RYR3: variants seen among roughly 807,000 people sequenced by gnomAD.
RYR3 encodes the protein brain ryanodine receptor-calcium release channel.
Under a neutral mutation model 584.3 loss-of-function variants are expected in RYR3, and 207 were observed. The observed-to-expected ratio is 0.35, with a 90% CI of 0.32 to 0.40. The LOEUF (loss-of-function observed/expected upper bound fraction) is 0.40. Ranked by LOEUF, RYR3 falls within the 10% of genes least tolerant of loss-of-function variation. The probability of loss-of-function intolerance (pLI) is 1.00; values close to 1 mark genes in which losing one functional copy is unlikely to be tolerated. For missense variants in RYR3, 5,616 were observed against 6,089.2 expected (o/e 0.92, Z 2.59); for synonymous variants, 2,416 against 2,248.5 (o/e 1.07, Z -2.11).
chr15:33,563,570 T>C (rs1013482423), intron 11 of RYR3, among the ~76,000 whole-genome samples: 3 of 152,154 alleles, frequency 2.0e-5, no homozygotes, highest in African/African-American at 7.2e-5. Context: ...AGAAAGTCAA[T>C]TGCCGTAACA....
At chr15:33,646,592 T>C (rs762816933) in intron 29 of RYR3, 66 bp downstream of exon 29, 6 of 1,429,562 alleles carry the variant, frequency 4.2e-6, no homozygotes, top group South Asian at 1.3e-5. Context: ...GCTTTCTGCT[T>C]TTTACCCTAA....
chr15:33,400,737 G>A (rs1009255247), intron 1 of RYR3, among the ~76,000 whole-genome samples: 15 of 152,338 alleles, frequency 9.8e-5, no homozygotes, highest in African/African-American at 2.9e-4. Context: ...TTGGCTTCCA[G>A]TGGGGAGTGG....
At chr15:33,832,677 A>G (rs2077764367) in intron 86 of RYR3, among the ~76,000 whole-genome samples, 1 of 147,244 alleles carries the variant, frequency 6.8e-6, no homozygotes, top group South Asian at 2.1e-4. Context: ...AAAAAACCCT[A>G]CATACGTATG....
At chr15:33,507,468 G>A (rs182042310) in intron 3 of RYR3, among the ~76,000 whole-genome samples, 1 of 152,192 alleles carries the variant, frequency 6.6e-6, no homozygotes, top group East Asian at 1.9e-4. Context: ...ATTTTATTCT[G>A]GGGAAAATTA....
chr15:33,433,611 A>G (rs921852404), intron 1 of RYR3, among the ~76,000 whole-genome samples: 1 of 152,228 alleles, frequency 6.6e-6, no homozygotes, highest in African/African-American at 2.4e-5. Context: ...TTATATATTG[A>G]CTGTGTAGCA....
intron 8 of RYR3, among the ~76,000 whole-genome samples, chr15:33,544,859 G>A (rs546147573): frequency 4.0e-5 from 5 of 124,890 alleles, no homozygotes; most frequent in African/African-American, 1.0e-4. Context: ...GCACTGGTCC[G>A]GCGGTTGATA....
intron 62 of RYR3, among the ~76,000 whole-genome samples, chr15:33,770,121 T>A (rs1311628204): frequency 4.2e-5 from 6 of 143,638 alleles, no homozygotes; most frequent in African/African-American, 1.3e-4. Flanking sequence ...ACCTCATCTT[T>A]AAAAAAAAAA....
chr15:33,561,490 TA>T (rs2057395797), intron 10 of RYR3, among the ~76,000 whole-genome samples: 1 of 152,184 alleles, frequency 6.6e-6, no homozygotes, highest in Admixed American at 6.5e-5. Context: ...TTCTCCTCTG[TA>T]AAATTGGAAT....
intron 62 of RYR3, among the ~76,000 whole-genome samples, chr15:33,770,554 C>G (rs1247459101): frequency 2.6e-5 from 4 of 151,908 alleles, no homozygotes. Context: ...GAGTTCAAGA[C>G]CAGTCTGGGC....
At chr15:33,339,652 G>A (rs1284327310) in intron 1 of RYR3, among the ~76,000 whole-genome samples, 2 of 152,176 alleles carry the variant, frequency 1.3e-5, no homozygotes, top group Non-Finnish European at 2.9e-5. Context: ...CACTTTGGGA[G>A]GCCGAGGCGG....
chr15:33,622,437 C>T (rs151231176), intron 19 of RYR3, among the ~76,000 whole-genome samples: 2 of 152,328 alleles, frequency 1.3e-5, no homozygotes, highest in East Asian at 1.9e-4. Context: ...CCTTCCTTGA[C>T]ACCATCTCTA....
At chr15:33,651,453 C>T (rs376021969) in intron 31 of RYR3, among the ~76,000 whole-genome samples, 2 of 152,212 alleles carry the variant, frequency 1.3e-5, no homozygotes, top group Non-Finnish European at 2.9e-5. Flanking sequence ...TCACAGGAAG[C>T]GAGCAGACCC....
chr15:33,434,744 C>G (rs8037177), intron 1 of RYR3, among the ~76,000 whole-genome samples: 11,700 of 152,116 alleles, frequency 0.077, 946 homozygotes, highest in African/African-American at 0.21. Flanking sequence ...CAGAATGTGT[C>G]ATTCTCTTCT....
intron 2 of RYR3, among the ~76,000 whole-genome samples, chr15:33,494,188 C>A (rs1044691315): frequency 6.6e-5 from 10 of 152,100 alleles, no homozygotes; most frequent in Non-Finnish European, 1.3e-4. Context: ...AATTTGGATT[C>A]TCTGCTTCTA....
Position 33,634,641 on chromosome 15 carries a change from G to T in RYR3, c.3083G>T (p.Arg1028Leu). ...GTGCCATATGCATTACTGGATGAGC[G>T]TACCAAGAAGTCAAACAGGGACAGC... ...RLVPYALLDERTKKSNRDSLR... is the reference protein window; with the variant it reads ...RLVPYALLDELTKKSNRDSLR... Residue 1028 changes from arginine to leucine, a missense_variant, in exon 25 of 104, where the codon CGT becomes CTT. Arg to Leu is a moderately radical substitution (Grantham distance 102). Transcript: ENST00000634891. The T allele has an allele frequency of 6.2e-7, 1 of 1,613,820 alleles. No individual in the cohort carries two copies. Among genetic ancestry groups the T allele is most frequent in the Non-Finnish European group, 8.5e-7 (1 of 1,179,744 alleles).
chr15:33,846,699 C>G (rs2078745514), intron 93 of RYR3, among the ~76,000 whole-genome samples: 1 of 152,186 alleles, frequency 6.6e-6, no homozygotes, highest in South Asian at 2.1e-4. Context: ...TCTATTGCAA[C>G]TATGAAAGTG....
At chr15:33,425,786 C>T (rs550072509) in intron 1 of RYR3, among the ~76,000 whole-genome samples, 14 of 151,714 alleles carry the variant, frequency 9.2e-5, no homozygotes, top group East Asian at 1.9e-4. Flanking sequence ...GGACTACAGG[C>T]GCCCGCCACC....
At chr15:33,656,322 G>A (rs1377354730) in intron 32 of RYR3, among the ~76,000 whole-genome samples, 1 of 152,228 alleles carries the variant, frequency 6.6e-6, no homozygotes, top group Non-Finnish European at 1.5e-5. Flanking sequence ...CAATCCATGG[G>A]CATGTAAGTT....
intron 38 of RYR3, among the ~76,000 whole-genome samples, chr15:33,685,587 C>T (rs1429933067): frequency 2.6e-5 from 4 of 152,176 alleles, no homozygotes; most frequent in East Asian, 1.9e-4. Context: ...CTGCACCAAG[C>T]GTACATAATA....
Sources: allele counts gnomAD v4.1 joint callset (sites outside exome capture counted in the v4.1 genomes callset), GRCh38; gene constraint gnomAD v4.1.1; transcripts MANE v1.5; gene names NCBI Gene and HGNC (gene_info 2026-07-23, HGNC 2026-07-21).